The following ARHGAP5 variants were observed in gnomAD, a reference collection of about 807,000 sequenced individuals.
ARHGAP5 encodes Rho GTPase activating protein 5.
Under a neutral mutation model 116.6 loss-of-function variants are expected in ARHGAP5, and 23 were observed. The ratio of observed to expected loss-of-function variants is 0.20; its 90% CI spans 0.14 to 0.28. The LOEUF (loss-of-function observed/expected upper bound fraction) is 0.28, where lower values mean the gene tolerates loss of function less well. ARHGAP5 is among the 10% of genes least tolerant of loss of function. The pLI is 1.00. For synonymous variants in ARHGAP5, 574 were observed against 602.0 expected (o/e 0.95, Z 0.68); for missense variants, 1,405 against 1,774.8 (o/e 0.79, Z 3.74).
intron 3 of ARHGAP5, among the ~76,000 whole-genome samples, chr14:32,140,840 G>A (rs943293054): frequency 4.6e-5 from 7 of 152,026 alleles, no homozygotes; most frequent in African/African-American, 9.7e-5. Flanking sequence ...TGGTCTAGTC[G>A]GTTTTTAGTG....
chr14:32,147,067 T>G lies in ARHGAP5; in HGVS notation c.3943+727T>G, dbSNP rs138695028. 2.1e-3 allele frequency among the ~76,000 whole-genome samples: 320 copies of G among 152,316 alleles called. 1 individual carries two copies. The highest frequency in any genetic ancestry group is 7.2e-3 in the African/African-American group (299 of 41,584). ...AAGCAGTAATTTGACTTATGATTGATCGGCATCTTAGCCATTAGGAGTAAA... is the reference window on the plus strand; with the variant it reads ...AAGCAGTAATTTGACTTATGATTGAGCGGCATCTTAGCCATTAGGAGTAAA... On this transcript the variant is annotated intron_variant, in intron 4 of 6. Coordinates refer to ENST00000345122, the MANE Select transcript of ARHGAP5 (RefSeq NM_001030055.2).
rs536317102 is a variant in ARHGAP5, at chr14:32,107,495, C to G, written c.3718-9645C>G. On this transcript the variant is annotated intron_variant, in intron 2 of 6. Transcript: ENST00000345122. ...AGTTGTTTGCTTCTGTCAATGTTTA[C>G]TGAGTATCTACCATGTGCTGTATAT... Among the ~76,000 whole-genome samples the G allele has an allele frequency of 2.8e-4, 42 of 152,288 alleles. No homozygotes were observed. The East Asian group carries it at 6.7e-3, about 24-fold the overall frequency.
intron 3 of ARHGAP5, among the ~76,000 whole-genome samples, chr14:32,142,475 A>AT (rs1881171706): frequency 6.6e-6 from 1 of 152,086 alleles, no homozygotes; most frequent in Admixed American, 6.5e-5. Context: ...ATTCTTTGCC[A>AT]TTTGCTGCCA....
At chr14:32,103,481 A>G (rs1878879918) in intron 2 of ARHGAP5, among the ~76,000 whole-genome samples, 1 of 152,224 alleles carries the variant, frequency 6.6e-6, no homozygotes, top group Non-Finnish European at 1.5e-5. Flanking sequence ...AATATTTTGT[A>G]AAAGCATAGT....
chr14:32,081,581 G>T (rs1016741438), intron 1 of ARHGAP5, among the ~76,000 whole-genome samples: 4 of 149,562 alleles, frequency 2.7e-5, no homozygotes, highest in African/African-American at 9.8e-5. Context: ...AGATGTAAGA[G>T]CATCAGTTTT....
At chr14:32,077,665 G>C (rs1434409895) in intron 1 of ARHGAP5, among the ~76,000 whole-genome samples, 1 of 152,168 alleles carries the variant, frequency 6.6e-6, no homozygotes, top group African/African-American at 2.4e-5. Flanking sequence ...AGAGAGGCCG[G>C]GGGAGGGGGT....
rs144274970 is a variant in ARHGAP5, at chr14:32,091,281, C to T, written c.612C>T (p.Cys204=). Reference sequence around the variant, plus strand: ...TAGCAGCAACTAAATGTGATGAATGCGTGGATCATTATCTTAGAGAAGTTC... The same window carrying T: ...TAGCAGCAACTAAATGTGATGAATGTGTGGATCATTATCTTAGAGAAGTTC... The part of the protein sequence containing the change: ...VIIAATKCDE[C]VDHYLREVQA... Residue 204 remains cysteine, a synonymous_variant, in exon 2 of 7, where the codon TGC becomes TGT. Transcript: ENST00000345122. 5.8e-4 allele frequency: 928 copies of T among 1,613,114 alleles called. 3 individuals are homozygous for T. The African/African-American group carries it at 0.011, about 19-fold the overall frequency.
At chr14:32,140,913 A>G (rs1303340323) in intron 3 of ARHGAP5, among the ~76,000 whole-genome samples, 2 of 152,174 alleles carry the variant, frequency 1.3e-5, no homozygotes, top group African/African-American at 2.4e-5. Flanking sequence ...GTGGACTACT[A>G]TCGTCTCCAA....
At position 32,094,789 on chromosome 14, in the gene ARHGAP5, A is replaced by G. The variant is rs1284401944; in HGVS notation, c.3717+403A>G. Among the ~76,000 whole-genome samples the G allele has an allele frequency of 2.6e-5, 4 of 152,170 alleles. No individual in the cohort carries two copies. In the East Asian group the frequency reaches 7.7e-4, roughly 29 times the overall value. On this transcript the variant is annotated intron_variant, in intron 2 of 6. Coordinates refer to ENST00000345122, the MANE Select transcript of ARHGAP5 (RefSeq NM_001030055.2). Reference sequence around the variant, plus strand: ...TAATACAATAAAATTGTAACAGTTTACAGTCTTGGATATTTATTAACTTTT... The same window carrying G: ...TAATACAATAAAATTGTAACAGTTTGCAGTCTTGGATATTTATTAACTTTT...
At chr14:32,123,435 T>C (rs1375062131) in intron 3 of ARHGAP5, among the ~76,000 whole-genome samples, 1 of 152,076 alleles carries the variant, frequency 6.6e-6, no homozygotes, top group Non-Finnish European at 1.5e-5. Flanking sequence ...CTATACCCAT[T>C]ATATTGATGT....
At chr14:32,088,786 C>G (rs1447474000) in intron 1 of ARHGAP5, among the ~76,000 whole-genome samples, 1 of 151,952 alleles carries the variant, frequency 6.6e-6, no homozygotes, top group African/African-American at 2.4e-5. Context: ...TCCCATGGTT[C>G]CAAGAATCAA....
Position 32,093,950 on chromosome 14 carries a change from C to A in ARHGAP5, c.3281C>A (p.Pro1094His), listed in dbSNP as rs144640899. The A allele has an allele frequency of 6.2e-7, 1 of 1,613,750 alleles. No individual in the cohort carries two copies. The highest frequency in any genetic ancestry group is 8.5e-7 in the Non-Finnish European group (1 of 1,179,978). The change falls in exon 2 of 7, where the codon CCC becomes CAC. Residue 1094 changes from proline (P) to histidine (H), a missense_variant. Coordinates refer to ENST00000345122, the MANE Select transcript of ARHGAP5 (RefSeq NM_001030055.2). ...DMDPSDNYAE[P>H]IDTIFKQKGY... Reference sequence around the variant, plus strand: ...GATCCTTCAGATAACTATGCGGAACCCATTGATACAATTTTCAAACAGAAG... The same window carrying A: ...GATCCTTCAGATAACTATGCGGAACACATTGATACAATTTTCAAACAGAAG...
Position 32,092,387 on chromosome 14 carries a change from C to G in ARHGAP5, c.1718C>G (p.Ala573Gly), listed in dbSNP as rs753081970. The change falls in exon 2 of 7, where the codon GCT (alanine) becomes GGT (glycine). Residue 573 changes from alanine (A) to glycine (G), a missense_variant. Around this residue, in one of 6 missense-constraint regions of ARHGAP5, gnomAD observed 944 missense variants for 1,095.3 expected, o/e 0.86. Transcript: ENST00000345122. The surrounding 1 kb of genome is among the most constrained non-coding windows in gnomAD (Gnocchi z 4.1). Reference sequence around the variant, plus strand: ...GACATTAAAGTGGAGCAGTTACTTGCTAGTAGTCTTTTACAGTTGGATCAT... The same window carrying G: ...GACATTAAAGTGGAGCAGTTACTTGGTAGTAGTCTTTTACAGTTGGATCAT... ...CTDIKVEQLLASSLLQLDHGR... is the reference protein window; with the variant it reads ...CTDIKVEQLLGSSLLQLDHGR... 25 of 1,613,272 alleles carry G rather than the reference C, an allele frequency of 1.5e-5. No individual in the cohort carries two copies. The Admixed American group carries it at 4.2e-4, about 27-fold the overall frequency.
chr14:32,145,486 T>G (rs773617587), intron 3 of ARHGAP5, among the ~76,000 whole-genome samples: 1 of 152,176 alleles, frequency 6.6e-6, no homozygotes, highest in Non-Finnish European at 1.5e-5. Flanking sequence ...TTTGTTTTTG[T>G]TAGTTTTGGG....
At position 32,091,066 on chromosome 14, in the gene ARHGAP5, A is replaced by G. The variant is rs754357315; in HGVS notation, c.397A>G (p.Ile133Val). 7.4e-6 allele frequency: 12 copies of G among 1,613,570 alleles called. No homozygotes were observed. The highest frequency in any genetic ancestry group is 1.7e-5 in the Admixed American group (1 of 59,972). ...KLQSAEKLMY[I>V]CTDQLGLEQD... is the part of the protein sequence containing the mutation. ...GCAGTCAGCAGAAAAACTAATGTACATTTGCACTGATCAGCTAGGCTTAGA... is the reference window on the plus strand; with the variant it reads ...GCAGTCAGCAGAAAAACTAATGTACGTTTGCACTGATCAGCTAGGCTTAGA... Residue 133 changes from isoleucine (I) to valine (V), a missense_variant, in exon 2 of 7, where the codon ATT becomes GTT. Ile to Val is a conservative substitution (Grantham distance 29, BLOSUM62 3). Coordinates refer to ENST00000345122, the MANE Select transcript of ARHGAP5 (RefSeq NM_001030055.2).
Position 32,093,870 on chromosome 14 carries a change from T to G in ARHGAP5, c.3201T>G (p.Gly1067=), listed in dbSNP as rs772507797. ...TAAAAACAATTGAAGCTGGTATTGG[T>G]AAAAATCCAAGAAAGCAGACTTCCC... ...NLLKTIEAGI[G]KNPRKQTSRV... The change falls in exon 2 of 7, where the codon GGT becomes GGG. Residue 1067 remains glycine, a synonymous_variant. Coordinates refer to ENST00000345122, the MANE Select transcript of ARHGAP5 (RefSeq NM_001030055.2). The G allele has an allele frequency of 1.2e-6, 2 of 1,613,852 alleles. No individual in the cohort carries two copies. The highest frequency in any genetic ancestry group is 1.7e-6 in the Non-Finnish European group (2 of 1,179,992).
In ARHGAP5 at chr14:32,144,135, C is replaced by T. The variant is rs184893352; in HGVS notation, c.3866-2128C>T. Among the ~76,000 whole-genome samples, 394 of 152,136 alleles carry T rather than the reference C, an allele frequency of 2.6e-3. 1 individual carries two copies. Among genetic ancestry groups the T allele is most frequent in the African/African-American group, 9.1e-3 (379 of 41,514 alleles). On this transcript the variant is annotated intron_variant, in intron 3 of 6. Coordinates refer to ENST00000345122, the MANE Select transcript of ARHGAP5 (RefSeq NM_001030055.2). ...AGGAGTGCAAAGGAAGAAAAAATTG[C>T]GTCTAATTGGAGATAGCAGGGAACG...
chr14:32,085,240 GT>G (rs2041816984), intron 1 of ARHGAP5, among the ~76,000 whole-genome samples: 1 of 152,140 alleles, frequency 6.6e-6, no homozygotes, highest in Admixed American at 6.5e-5. Context: ...GAGCCCAGGA[GT>G]TTGAGACCAG....
chr14:32,154,496 T>G lies in ARHGAP5; in HGVS notation c.4182-125T>G, dbSNP rs568095270. The G allele has an allele frequency of 3.3e-5, 30 of 911,694 alleles. 1 individual carries two copies. In the African/African-American group the frequency reaches 4.0e-4, roughly 12 times the overall value. The allele number at this position is 911,694 out of a possible 1,614,324, so 56.5% of individuals were successfully genotyped here. On this transcript the variant is annotated intron_variant, in intron 6 of 6. Transcript: ENST00000345122. Reference sequence around the variant, plus strand: ...AATTAAAGATGCTTCTTTATGCAAATTTTTAAACCCCAGGTTTGAAGTAGG... The same window carrying G: ...AATTAAAGATGCTTCTTTATGCAAAGTTTTAAACCCCAGGTTTGAAGTAGG...
Sources: gnomAD v4.1 joint callset for allele counts (sites outside exome capture counted in the v4.1 genomes callset) on GRCh38, gnomAD v4.1.1 for gene constraint, gnomAD v4.1.1 regional missense constraint, Gnocchi (gnomAD v3.1) non-coding constraint, MANE v1.5 for transcripts, NCBI Gene and HGNC (gene_info 2026-07-23, HGNC 2026-07-21) for gene names.